The following UBQLN1 variants were observed in gnomAD, a reference collection of about 807,000 sequenced individuals.
The protein encoded by UBQLN1 is ubiquilin-1.
Under a neutral mutation model 65.4 loss-of-function variants are expected in UBQLN1, and 13 were observed. The observed-to-expected ratio is 0.20, with a 90% CI of 0.13 to 0.32. The LOEUF (loss-of-function observed/expected upper bound fraction) is 0.32. Ranked by LOEUF, UBQLN1 falls within the 10% of genes least tolerant of loss-of-function variation. UBQLN1 has a pLI of 1.00. For missense variants in UBQLN1, 561 were observed against 724.0 expected (o/e 0.77, Z 2.58); for synonymous variants, 267 against 247.8 (o/e 1.08, Z -0.73).
Position 83,687,893 on chromosome 9 carries a change from T to C in UBQLN1, c.181-1738A>G, listed in dbSNP as rs142538970. On this transcript the variant is annotated intron_variant, in intron 1 of 10. Coordinates refer to ENST00000376395, the MANE Select transcript of UBQLN1 (RefSeq NM_013438.5). ...ACAAAACTATACTTCAGTAAATATT[T>C]TGAAGCTTTTCCATCTGCATTCTTT... 2.5e-3 allele frequency among the ~76,000 whole-genome samples: 379 copies of C among 152,350 alleles called. 6 individuals are homozygous for C. Among genetic ancestry groups the C allele is most frequent in the African/African-American group, 8.6e-3 (359 of 41,598 alleles).
At chr9:83,684,539 A>C (rs905831888) in intron 2 of UBQLN1, among the ~76,000 whole-genome samples, 69 of 152,084 alleles carry the variant, frequency 4.5e-4, no homozygotes, top group African/African-American at 1.5e-3. Flanking sequence ...AAGCCAGACA[A>C]GGTGGCTCAC....
chr9:83,678,023 C>CTT (rs386415305), intron 5 of UBQLN1, 62 bp from the exon 6 acceptor site: 229,112 of 913,866 alleles, frequency 0.25, 9,355 homozygotes, highest in Middle Eastern at 0.29. Context: ...AGATATGAAA[C>CTT]TTTTTTTTTT....
chr9:83,685,549 A>G (rs556074919), intron 2 of UBQLN1, among the ~76,000 whole-genome samples: 37 of 151,748 alleles, frequency 2.4e-4, no homozygotes, highest in Non-Finnish European at 4.1e-4. Flanking sequence ...ACGCACCTAC[A>G]GTCCCAGGCT....
intron 2 of UBQLN1, among the ~76,000 whole-genome samples, chr9:83,684,853 C>T (rs1832013097): frequency 7.7e-6 from 1 of 129,770 alleles, no homozygotes; most frequent in South Asian, 2.5e-4. Flanking sequence ...AAAACCCTTC[C>T]AGATGATACC....
chr9:83,687,230 G>A (rs970861924), intron 1 of UBQLN1, among the ~76,000 whole-genome samples: 12 of 152,144 alleles, frequency 7.9e-5, no homozygotes, highest in African/African-American at 2.9e-4. Flanking sequence ...GAAAGTAGCC[G>A]ATAAAACCTG....
chr9:83,697,186 A>G (rs1303008391), intron 1 of UBQLN1, among the ~76,000 whole-genome samples: 1 of 151,438 alleles, frequency 6.6e-6, no homozygotes. Context: ...TCTACAGTCT[A>G]CTACTTAATA....
intron 1 of UBQLN1, among the ~76,000 whole-genome samples, chr9:83,707,242 G>C (rs553677773): frequency 1.0e-3 from 159 of 152,240 alleles, no homozygotes; most frequent in Non-Finnish European, 1.8e-3. Context: ...GCTGAGGGTC[G>C]GCGGATACCA....
chr9:83,694,814 A>C (rs902668635), intron 1 of UBQLN1, among the ~76,000 whole-genome samples: 1 of 152,176 alleles, frequency 6.6e-6, no homozygotes, highest in African/African-American at 2.4e-5. Flanking sequence ...ATGTCACAAA[A>C]TCCTCCAAAC....
chr9:83,696,864 A>G (rs1832224196), intron 1 of UBQLN1, among the ~76,000 whole-genome samples: 1 of 152,170 alleles, frequency 6.6e-6, no homozygotes, highest in Admixed American at 6.5e-5. Context: ...TATAATCACA[A>G]AATATTATCA....
intron 10 of UBQLN1, 101 bp downstream of exon 10, chr9:83,663,774 G>C: frequency 1.6e-6 from 2 of 1,280,040 alleles, no homozygotes; most frequent in African/African-American, 1.5e-5. Flanking sequence ...AAACACCTAA[G>C]AACTACTGCT....
At chr9:83,705,494 C>T (rs750494165) in intron 1 of UBQLN1, among the ~76,000 whole-genome samples, 3 of 152,188 alleles carry the variant, frequency 2.0e-5, no homozygotes, top group Non-Finnish European at 4.4e-5. Flanking sequence ...CCACCCGCCT[C>T]GGCCTCACAA....
intron 1 of UBQLN1, among the ~76,000 whole-genome samples, chr9:83,690,745 C>A (rs533062315): frequency 2.7e-5 from 4 of 146,478 alleles, no homozygotes; most frequent in Admixed American, 6.7e-5. Context: ...GACTCTGTCT[C>A]AAAAAAAAAA....
intron 1 of UBQLN1, among the ~76,000 whole-genome samples, chr9:83,705,569 C>T (rs898510222): frequency 6.6e-6 from 1 of 152,172 alleles, no homozygotes; most frequent in African/African-American, 2.4e-5. Flanking sequence ...AACATAGTTT[C>T]TCACAAAACT....
At chr9:83,706,784 A>G (rs1317973508) in intron 1 of UBQLN1, among the ~76,000 whole-genome samples, 1 of 152,198 alleles carries the variant, frequency 6.6e-6, no homozygotes, top group Non-Finnish European at 1.5e-5. Context: ...TCGCCCCTCT[A>G]AAATCAAACA....
At chr9:83,702,144 T>TGG (rs1832319949) in intron 1 of UBQLN1, among the ~76,000 whole-genome samples, 1 of 152,106 alleles carries the variant, frequency 6.6e-6, no homozygotes, top group Non-Finnish European at 1.5e-5. Flanking sequence ...TGCCTAAGGC[T>TGG]GGGGGGCCCA....
intron 2 of UBQLN1, 126 bp from the exon 3 acceptor site, chr9:83,683,192 C>G (rs568199862): frequency 1.9e-6 from 1 of 535,562 alleles, no homozygotes; most frequent in East Asian, 3.2e-5. Context: ...GCTGGCTGAT[C>G]ACGAGGTCAA....
chr9:83,681,007 T>C (rs1831931361), intron 3 of UBQLN1, among the ~76,000 whole-genome samples: 1 of 152,184 alleles, frequency 6.6e-6, no homozygotes, highest in African/African-American at 2.4e-5. Flanking sequence ...ACAGTCCAGA[T>C]TATGCCAGCT....
intron 1 of UBQLN1, among the ~76,000 whole-genome samples, chr9:83,695,107 A>G (rs890468005): frequency 3.9e-5 from 6 of 152,006 alleles, no homozygotes; most frequent in African/African-American, 1.4e-4. Flanking sequence ...AAAGGTAAAA[A>G]TTATATATGA....
chr9:83,702,478 T>A (rs1352481482), intron 1 of UBQLN1, among the ~76,000 whole-genome samples: 1 of 152,176 alleles, frequency 6.6e-6, no homozygotes, highest in South Asian at 2.1e-4. Context: ...CTGGATAAGA[T>A]GTTGTCCAGC....
Sources: allele counts gnomAD v4.1 joint callset (sites outside exome capture counted in the v4.1 genomes callset), GRCh38; gene constraint gnomAD v4.1.1; transcripts MANE v1.5; gene names NCBI Gene and HGNC (gene_info 2026-07-23, HGNC 2026-07-21).